The following PELI2 variants were observed in gnomAD, a reference collection of about 807,000 sequenced individuals.
PELI2 encodes the protein E3 ubiquitin-protein ligase pellino homolog 2.
Under a neutral mutation model 42.3 loss-of-function variants are expected in PELI2, and 23 were observed. That is an observed-to-expected ratio of 0.54 (90% CI 0.39 to 0.77). The LOEUF is 0.77. Ranked by LOEUF, PELI2 falls within the 30% of genes least tolerant of loss-of-function variation. PELI2 has a pLI of 0.00. For missense variants in PELI2, 463 were observed against 553.2 expected (o/e 0.84, Z 1.64); for synonymous variants, 245 against 212.2 (o/e 1.15, Z -1.34).
intron 2 of PELI2, among the ~76,000 whole-genome samples, chr14:56,278,398 T>C (rs1889365475): frequency 6.6e-6 from 1 of 152,198 alleles, no homozygotes; most frequent in African/African-American, 2.4e-5. Flanking sequence ...AAAATAGTTC[T>C]TTATAAATTT....
intron 1 of PELI2, among the ~76,000 whole-genome samples, chr14:56,174,159 T>C (rs1425824745): frequency 6.6e-6 from 1 of 152,184 alleles, no homozygotes; most frequent in African/African-American, 2.4e-5. Context: ...CGCCTCGGCC[T>C]CCCAAAGTGC....
chr14:56,274,202 G>GA (rs1254498984), intron 2 of PELI2, among the ~76,000 whole-genome samples: 1 of 87,850 alleles, frequency 1.1e-5, no homozygotes. Context: ...GCAGGGAAAA[G>GA]GACATTAGTA....
chr14:56,213,636 G>A (rs1315107311), intron 2 of PELI2, among the ~76,000 whole-genome samples: 1 of 152,158 alleles, frequency 6.6e-6, no homozygotes, highest in African/African-American at 2.4e-5. Context: ...GATGGAGGAA[G>A]CAAAAATGTG....
chr14:56,249,333 C>T (rs1311798050), intron 2 of PELI2, among the ~76,000 whole-genome samples: 1 of 152,140 alleles, frequency 6.6e-6, no homozygotes, highest in Admixed American at 6.6e-5. Flanking sequence ...ATATATCATG[C>T]ATTTGCCCAT....
At chr14:56,169,112 C>T (rs1187734727) in intron 1 of PELI2, among the ~76,000 whole-genome samples, 1 of 152,170 alleles carries the variant, frequency 6.6e-6, no homozygotes, top group Non-Finnish European at 1.5e-5. Flanking sequence ...AGGAAAGGGT[C>T]TCTTTTGGAG....
At chr14:56,241,597 A>G (rs1311041489) in intron 2 of PELI2, among the ~76,000 whole-genome samples, 1 of 152,148 alleles carries the variant, frequency 6.6e-6, no homozygotes, top group Non-Finnish European at 1.5e-5. Context: ...TGGAGTATAT[A>G]TTCTGTTGGA....
intron 2 of PELI2, among the ~76,000 whole-genome samples, chr14:56,194,781 C>T (rs190064697): frequency 1.4e-4 from 21 of 152,246 alleles, no homozygotes; most frequent in African/African-American, 5.1e-4. Flanking sequence ...TGCCCCCCGC[C>T]CCGCCCATAC....
At chr14:56,240,530 G>A (rs756008188) in intron 2 of PELI2, among the ~76,000 whole-genome samples, 30 of 152,260 alleles carry the variant, frequency 2.0e-4, no homozygotes, top group Non-Finnish European at 2.9e-4. Context: ...GTCAGTGAGG[G>A]GGTAACGAAA....
rs1383308489 is a variant in PELI2 at position 56,301,265 on chromosome 14, A to G, written c.*4099A>G. 6.6e-6 allele frequency: 1 copy of G among 152,656 alleles called. No individual in the cohort carries two copies. The highest frequency in any genetic ancestry group is 1.5e-5 in the Non-Finnish European group (1 of 68,042). 9.5% of individuals were successfully genotyped at this position (152,656 alleles called of 1,614,324 possible). On this transcript the variant is annotated 3_prime_UTR_variant, in exon 6 of 6. Transcript: ENST00000267460. Reference sequence around the variant, plus strand: ...GTGGAAATACAAGCCATTTTACAGGAAAAAATCTTCAAAAACTATTAAATG... The same window carrying G: ...GTGGAAATACAAGCCATTTTACAGGGAAAAATCTTCAAAAACTATTAAATG...
rs1350180482 is a variant in PELI2 at position 56,288,550 on chromosome 14, C to T, written c.423C>T (p.Cys141=). The change falls in exon 4 of 6, where the codon TGC becomes TGT. Residue 141 remains cysteine, a synonymous_variant. Coordinates refer to ENST00000267460, the MANE Select transcript of PELI2 (RefSeq NM_021255.3). The surrounding 1 kb of genome is among the most constrained non-coding windows in gnomAD (Gnocchi z 4.6). ...ITQSTISRFA[C]RIVCDRNEPY... is the part of the protein sequence containing the mutation. ...AGAGCACCATATCCAGGTTCGCCTG[C>T]AGGATCGTGTGCGACAGGAATGAAC... 3 of 1,614,086 alleles carry T rather than the reference C, an allele frequency of 1.9e-6. No individual in the cohort carries two copies. The highest frequency in any genetic ancestry group is 2.5e-6 in the Non-Finnish European group (3 of 1,179,946).
chr14:56,273,692 G>A lies in PELI2; in HGVS notation c.208-5984G>A, dbSNP rs574139198. ...TGCTAACTGTATGTGAACAACAGTG[G>A]CAAGAGAGGGCTCAGGGGTGACATG... is the stretch of plus-strand genomic sequence containing the variant. On this transcript the variant is annotated intron_variant, in intron 2 of 5. Transcript: ENST00000267460. This position sits in a 1 kb window ranked among gnomAD's most constrained non-coding sequence, Gnocchi z 4.3. Among the ~76,000 whole-genome samples, 5 of 152,180 alleles carry A rather than the reference G, an allele frequency of 3.3e-5. No homozygotes were observed. The highest frequency in any genetic ancestry group is 7.4e-5 in the Non-Finnish European group (5 of 68,022).
intron 2 of PELI2, among the ~76,000 whole-genome samples, chr14:56,248,524 C>T (rs1888237868): frequency 6.6e-6 from 1 of 152,048 alleles, no homozygotes; most frequent in Admixed American, 6.6e-5. Flanking sequence ...AAGGAGCCTC[C>T]AGGCTGGCAG....
chr14:56,288,044 G>A lies in PELI2; in HGVS notation c.310-393G>A, dbSNP rs1227191020. On this transcript the variant is annotated intron_variant, in intron 3 of 5. Transcript: ENST00000267460. This position sits in a 1 kb window ranked among gnomAD's most constrained non-coding sequence, Gnocchi z 4.6. ...GATCTACTCCTGTCCTCTTAATTGA[G>A]CTTTTTCTCAATACTTAAAATCTAA... Among the ~76,000 whole-genome samples, 11 of 152,130 alleles carry A rather than the reference G, an allele frequency of 7.2e-5. 1 individual carries two copies.
At chr14:56,287,232 C>T (rs568167574) in intron 3 of PELI2, among the ~76,000 whole-genome samples, 23 of 152,198 alleles carry the variant, frequency 1.5e-4, no homozygotes, top group Non-Finnish European at 3.1e-4. Context: ...TACTCCTAAA[C>T]TTCACTGGAA....
At chr14:56,172,730 A>G (rs900894369) in intron 1 of PELI2, among the ~76,000 whole-genome samples, 2 of 152,188 alleles carry the variant, frequency 1.3e-5, no homozygotes, top group African/African-American at 4.8e-5. Flanking sequence ...ATCAGAGTGG[A>G]GGCTCATAGT....
intron 2 of PELI2, among the ~76,000 whole-genome samples, chr14:56,249,886 A>G (rs1426520479): frequency 3.9e-5 from 6 of 152,172 alleles, no homozygotes; most frequent in Non-Finnish European, 4.4e-5. Flanking sequence ...TCTTGATGTC[A>G]CTGAAATATT....
chr14:56,141,194 G>A (rs544700872), intron 1 of PELI2, among the ~76,000 whole-genome samples: 1 of 152,304 alleles, frequency 6.6e-6, no homozygotes, highest in South Asian at 2.1e-4. Flanking sequence ...TTAAGACAAA[G>A]TTTCCATTTG....
At chr14:56,231,528 A>G (rs1320013989) in intron 2 of PELI2, among the ~76,000 whole-genome samples, 1 of 152,226 alleles carries the variant, frequency 6.6e-6, no homozygotes, top group Non-Finnish European at 1.5e-5. Context: ...TAACGAAATG[A>G]AGGCAGAAAT....
Position 56,288,353 on chromosome 14 carries a change from A to G in PELI2, c.310-84A>G. On this transcript the variant is annotated intron_variant, in intron 3 of 5. Coordinates refer to ENST00000267460, the MANE Select transcript of PELI2 (RefSeq NM_021255.3). This position sits in a 1 kb window ranked among gnomAD's most constrained non-coding sequence, Gnocchi z 4.6. ...GAACAAGGATAGTGAATGTTAAAGGAATCCTGAATGCTTTTTCCTTGTGAA... is the reference window on the plus strand; with the variant it reads ...GAACAAGGATAGTGAATGTTAAAGGGATCCTGAATGCTTTTTCCTTGTGAA... 1 of 984,428 alleles carries G rather than the reference A, an allele frequency of 1.0e-6. No individual in the cohort carries two copies. The highest frequency in any genetic ancestry group is 1.6e-6 in the Non-Finnish European group (1 of 635,090). 61.0% of individuals were successfully genotyped at this position (984,428 alleles called of 1,614,324 possible).
Sources: allele counts gnomAD v4.1 joint callset (sites outside exome capture counted in the v4.1 genomes callset), GRCh38; gene constraint gnomAD v4.1.1; non-coding constraint Gnocchi (gnomAD v3.1); transcripts MANE v1.5; gene names NCBI Gene and HGNC (gene_info 2026-07-23, HGNC 2026-07-21).